The following CD3G variants were observed in gnomAD, a reference collection of about 807,000 sequenced individuals.
CD3G encodes CD3 gamma subunit of T-cell receptor complex, also known as T-cell surface glycoprotein CD3 gamma chain.
In CD3G, 24 loss-of-function variants were observed where a neutral mutation model predicts 28.3. That is an observed-to-expected ratio of 0.85 (90% CI 0.61 to 1.19). The LOEUF is 1.19. CD3G is among the 50% of genes most tolerant of loss of function. The probability of loss-of-function intolerance (pLI) is 0.00; values close to 1 mark genes in which losing one functional copy is unlikely to be tolerated. For missense variants in CD3G, 211 were observed against 210.0 expected (o/e 1.00, Z -0.03); for synonymous variants, 71 against 75.9 (o/e 0.93, Z 0.34).
chr11:118,349,230 G>A (rs1007319361), intron 2 of CD3G, 180 bp downstream of exon 2: 2 of 1,540,484 alleles, frequency 1.3e-6, no homozygotes, highest in East Asian at 2.4e-5. Flanking sequence ...CGGGCAGCTT[G>A]CCTGTAGCTA....
chr11:118,348,408 G>C (rs1231298028), intron 1 of CD3G, among the ~76,000 whole-genome samples: 3 of 152,126 alleles, frequency 2.0e-5, no homozygotes, highest in African/African-American at 7.2e-5. Context: ...ATCAGAACCA[G>C]CTAAATGAAA....
intron 1 of CD3G, among the ~76,000 whole-genome samples, chr11:118,347,673 G>GGA: frequency 6.6e-6 from 1 of 152,132 alleles, no homozygotes; most frequent in East Asian, 1.9e-4. Flanking sequence ...CACCTAGGCT[G>GGA]GAGTGCAGTG....
In CD3G at chr11:118,354,728, T is replaced by C. The variant is rs1253223726; in HGVS notation, c.*1628T>C. The C allele has an allele frequency of 1.3e-5, 2 of 152,108 alleles. No individual in the cohort carries two copies. Among genetic ancestry groups the C allele is most frequent in the Admixed American group, 1.3e-4 (2 of 15,258 alleles). 9.4% of individuals were successfully genotyped at this position (152,108 alleles called of 1,614,324 possible). A position where few individuals can be genotyped will look rare whatever the true frequency, so the allele number is the denominator to read the frequency against. Reference sequence around the variant, plus strand: ...TTCCCTAGATACTAACCATGCTGAGTGTCCTGTCTTGTGTTTATTAACCAT... The same window carrying C: ...TTCCCTAGATACTAACCATGCTGAGCGTCCTGTCTTGTGTTTATTAACCAT... On this transcript the variant is annotated 3_prime_UTR_variant, in exon 7 of 7. Coordinates refer to ENST00000532917, the MANE Select transcript of CD3G (RefSeq NM_000073.3).
At chr11:118,352,867 C>T (rs181826278) in intron 6 of CD3G, among the ~76,000 whole-genome samples, 168 of 152,282 alleles carry the variant, frequency 1.1e-3, no homozygotes, top group Non-Finnish European at 2.5e-4. Flanking sequence ...GGCCTCTCTC[C>T]ACCAGATGCT....
intron 1 of CD3G, among the ~76,000 whole-genome samples, chr11:118,346,371 A>T (rs997084745): frequency 6.6e-6 from 1 of 152,090 alleles, no homozygotes; most frequent in African/African-American, 2.4e-5. Flanking sequence ...CAGGAGATGG[A>T]GGTTGCAGTG....
chr11:118,347,595 T>C (rs567896253), intron 1 of CD3G, among the ~76,000 whole-genome samples: 8 of 152,288 alleles, frequency 5.3e-5, no homozygotes, highest in African/African-American at 1.9e-4. Flanking sequence ...ATGTCTACCA[T>C]GCAACTCTAC....
intron 4 of CD3G, among the ~76,000 whole-genome samples, chr11:118,351,202 A>C (rs890983566): frequency 7.9e-5 from 12 of 151,692 alleles, no homozygotes; most frequent in African/African-American, 2.9e-4. Context: ...AAAAAAAAAA[A>C]AAAACTATTT....
intron 1 of CD3G, among the ~76,000 whole-genome samples, chr11:118,346,860 A>G (rs2134066423): frequency 6.6e-6 from 1 of 151,814 alleles, no homozygotes; most frequent in East Asian, 1.9e-4. Context: ...TGATCAGTGC[A>G]ATCTCCTTCC....
Position 118,350,888 on chromosome 11 carries a change from T to TG in CD3G, c.439+206dup, listed in dbSNP as rs1403403811. Reference sequence around the variant, plus strand: ...CTGTCTCAAGATACAGCTCCCTCTGTGAAAAAAAAAAAAAACAAAAACAGG... The same window carrying TG: ...CTGTCTCAAGATACAGCTCCCTCTGTGGAAAAAAAAAAAAAACAAAAACAGG... On this transcript the variant is annotated intron_variant, in intron 4 of 6. Coordinates refer to ENST00000532917, the MANE Select transcript of CD3G (RefSeq NM_000073.3). The TG allele has an allele frequency of 1.5e-4, 106 of 684,486 alleles. 1 individual carries two copies. The highest frequency in any genetic ancestry group is 1.3e-3 in the African/African-American group (42 of 32,224). The allele number at this position is 684,486 out of a possible 1,614,324, so 42.4% of individuals were successfully genotyped here. A position where few individuals can be genotyped will look rare whatever the true frequency, so the allele number is the denominator to read the frequency against.
chr11:118,349,767 ACTAT>A lies in CD3G; in HGVS notation c.106_109del (p.Tyr36LysfsTer8), dbSNP rs778205349. ...GGAAACCACTTGGTTAAGGTGTATG[ACTAT>A]CAAGAAGATGGTTCGGTACTTCTGA... On this transcript the variant is annotated frameshift_variant, in exon 3 of 7. Coordinates refer to ENST00000532917, the MANE Select transcript of CD3G (RefSeq NM_000073.3). LOFTEE classifies it high-confidence loss of function. 6.2e-7 allele frequency: 1 copy of A among 1,614,028 alleles called. No homozygotes were observed. Among genetic ancestry groups the A allele is most frequent in the South Asian group, 1.1e-5 (1 of 91,078 alleles).
Position 118,350,634 on chromosome 11 carries a change from TG to T in CD3G, c.391del (p.Val131LeufsTer49), listed in dbSNP as rs781006056. The T allele has an allele frequency of 4.1e-5, 66 of 1,613,626 alleles. 1 individual carries two copies. In the South Asian group the frequency reaches 6.3e-4, roughly 15 times the overall value. On this transcript the variant is annotated frameshift_variant, in exon 4 of 7. Coordinates refer to ENST00000532917, the MANE Select transcript of CD3G (RefSeq NM_000073.3). LOFTEE classifies it high-confidence loss of function. ...AAATCGTCAGCATTTTCGTCCTTGC[TG>T]TTGGGGTCTACTTCATTGCTGGACA... is the stretch of plus-strand genomic sequence containing the variant. ...AEIVSIFVLAVGVYFIAGQDG... is the reference protein window; with the variant it reads ...AEIVSIFVLAXGVYFIAGQDG...
At position 118,349,987 on chromosome 11, in the gene CD3G, G is replaced by T. The variant is rs759524595; in HGVS notation, c.307+17G>T. On this transcript the variant is annotated intron_variant, in intron 3 of 6. Coordinates refer to ENST00000532917, the MANE Select transcript of CD3G (RefSeq NM_000073.3). The stretch of plus-strand genomic sequence containing the variant: ...ATTACAGAAGTATGTAATCCCCTTT[G>T]GTCTGTTTGTTGTGAAATTAATCAG... The T allele has an allele frequency of 6.3e-7, 1 of 1,594,914 alleles. No individual in the cohort carries two copies. The highest frequency in any genetic ancestry group is 1.1e-5 in the South Asian group (1 of 90,534).
intron 6 of CD3G, 31 bp downstream of exon 6, chr11:118,352,518 G>A (rs141170227): frequency 2.8e-6 from 4 of 1,451,262 alleles, no homozygotes; most frequent in South Asian, 2.3e-5. Context: ...TCTAATAAAG[G>A]ACCCTTGCAT....
rs1312392822 is a variant in CD3G, at chr11:118,350,154, A to G, written c.307+184A>G. 18 of 629,402 alleles carry G rather than the reference A, an allele frequency of 2.9e-5. No individual in the cohort carries two copies. In the East Asian group the frequency reaches 5.0e-4, roughly 18 times the overall value. The allele number at this position is 629,402 out of a possible 1,614,324, so 39.0% of individuals were successfully genotyped here. Reference sequence around the variant, plus strand: ...ACTTCCCTCACCCTATTGAAAAACTACAGCCAGTCCTGTAAAATTTTGTTT... The same window carrying G: ...ACTTCCCTCACCCTATTGAAAAACTGCAGCCAGTCCTGTAAAATTTTGTTT... On this transcript the variant is annotated intron_variant, in intron 3 of 6. Coordinates refer to ENST00000532917, the MANE Select transcript of CD3G (RefSeq NM_000073.3).
At chr11:118,350,957 G>A (rs1267232268) in intron 4 of CD3G, 1 of 967,894 alleles carries the variant, frequency 1.0e-6, no homozygotes, top group Non-Finnish European at 1.3e-6. Flanking sequence ...GGGAGGCCGA[G>A]GCGGGCAGAT....
intron 1 of CD3G, among the ~76,000 whole-genome samples, chr11:118,348,301 C>G (rs183790421): frequency 1.3e-5 from 2 of 152,240 alleles, no homozygotes; most frequent in African/African-American, 4.8e-5. Context: ...CTTAAGGATT[C>G]CCATGACCCT....
At position 118,344,478 on chromosome 11, in the gene CD3G, G is replaced by A. The variant is rs1225461210; in HGVS notation, c.55G>A (p.Gly19Ser). ...CATCCTGGCTATCATTCTTCTTCAA[G>A]GTAAGGGCCTACTAGGGGTCTGGAA... ...VLILAIILLQGTLAQSIKGNH... is the reference protein window; with the variant it reads ...VLILAIILLQSTLAQSIKGNH... Residue 19 changes from glycine to serine, a missense_variant and splice_region_variant, in exon 1 of 7, where the codon GGT becomes AGT. By Grantham distance (56) the Gly-to-Ser change is moderately conservative. Transcript: ENST00000532917. 6.4e-7 allele frequency: 1 copy of A among 1,564,774 alleles called. No individual in the cohort carries two copies. Among genetic ancestry groups the A allele is most frequent in the South Asian group, 1.2e-5 (1 of 84,874 alleles).
intron 1 of CD3G, among the ~76,000 whole-genome samples, chr11:118,346,463 T>C (rs919960302): frequency 1.3e-5 from 2 of 148,668 alleles, no homozygotes; most frequent in African/African-American, 5.0e-5. Flanking sequence ...AAAAAAGAAA[T>C]GTGGCTATAT....
intron 6 of CD3G, among the ~76,000 whole-genome samples, 172 bp from the exon 7 acceptor site, chr11:118,352,947 A>G (rs1364568080): frequency 6.6e-6 from 1 of 152,228 alleles, no homozygotes; most frequent in African/African-American, 2.4e-5. Flanking sequence ...CATCACCTCC[A>G]GGGCAAAATC....
Sources: gnomAD v4.1 joint callset for allele counts (sites outside exome capture counted in the v4.1 genomes callset) on GRCh38, gnomAD v4.1.1 for gene constraint, MANE v1.5 for transcripts, NCBI Gene and HGNC (gene_info 2026-07-23, HGNC 2026-07-21) for gene names.